OVOL1: variants seen among roughly 807,000 people sequenced by gnomAD.
The protein encoded by OVOL1 is putative transcription factor Ovo-like 1.
A neutral mutation model predicts 21.5 loss-of-function variants in OVOL1; 10 were observed. That is an observed-to-expected ratio of 0.46 (90% confidence interval 0.29 to 0.79). The LOEUF is 0.79. OVOL1 is among the 30% of genes least tolerant of loss of function. The pLI is 0.10. For missense variants in OVOL1, 279 were observed against 362.3 expected, an observed-to-expected ratio of 0.77 and a Z score of 1.87; for synonymous variants, 129 against 150.3, an observed-to-expected ratio of 0.86 and a Z score of 1.03.
At chr11:65,793,409 C>T (rs3897552) in intron 1 of OVOL1, among the ~76,000 whole-genome samples, 18,669 of 152,246 alleles carry the variant, frequency 0.12, 1,611 homozygotes, top group South Asian at 0.28. Context: ...CATCCACCTG[C>T]GGCTCCCTGA....
In OVOL1 at chr11:65,787,603, G is replaced by C. The variant is rs544118875; in HGVS notation, c.100+130G>C. 308 of 250,404 alleles carry C rather than the reference G, an allele frequency of 1.2e-3. 1 individual carries two copies. The highest frequency in any genetic ancestry group is 6.7e-3 in the African/African-American group (289 of 43,254). The allele number at this position is 250,404 out of a possible 1,614,324, so 15.5% of individuals were successfully genotyped here. On this transcript the variant is annotated intron_variant, in intron 1 of 3. Coordinates refer to ENST00000335987, the MANE Select transcript of OVOL1 (RefSeq NM_004561.4). ...GGGCGCCGGGGCTGAATGCGGCCGC[G>C]GCCTGGGCTGGGTGGGCCCGCGGCT...
Position 65,793,979 on chromosome 11 carries a change from G to A in OVOL1, c.101-52G>A, listed in dbSNP as rs1050954819. On this transcript the variant is annotated intron_variant, in intron 1 of 3. Transcript: ENST00000335987. ...TGGCTAGGGAAGTTTCCAGAAACCCGCTGGACCCTCTCTTCTCCACCAAGC... is the reference window on the plus strand; with the variant it reads ...TGGCTAGGGAAGTTTCCAGAAACCCACTGGACCCTCTCTTCTCCACCAAGC... The A allele has an allele frequency of 2.3e-5, 35 of 1,489,970 alleles. No individual in the cohort carries two copies. The Admixed American group carries it at 3.4e-4, about 15-fold the overall frequency. The allele number at this position is 1,489,970 out of a possible 1,614,324, so 92.3% of individuals were successfully genotyped here.
At position 65,795,326 on chromosome 11, in the gene OVOL1, C is replaced by T. The variant is rs754524135; in HGVS notation, c.789C>T (p.Gly263=). The T allele has an allele frequency of 1.1e-5, 18 of 1,602,536 alleles. No individual in the cohort carries two copies. In the East Asian group the frequency reaches 3.6e-4, roughly 32 times the overall value. Reference sequence around the variant, plus strand: ...ACACTGTCACTTCCCTGCTGCAGGGCAGCCCCCACCTGTGAGTGGCTCGAG... The same window carrying T: ...ACACTGTCACTTCCCTGCTGCAGGGTAGCCCCCACCTGTGAGTGGCTCGAG... ...LQNTVTSLLQ[G]SPHL Residue 263 remains glycine, a synonymous_variant, in exon 4 of 4, where the codon GGC becomes GGT. Coordinates refer to ENST00000335987, the MANE Select transcript of OVOL1 (RefSeq NM_004561.4). This position sits in a 1 kb window ranked among gnomAD's most constrained non-coding sequence, Gnocchi z 5.7.
At chr11:65,793,445 C>A (rs1858064250) in intron 1 of OVOL1, among the ~76,000 whole-genome samples, 1 of 152,220 alleles carries the variant, frequency 6.6e-6, no homozygotes, top group South Asian at 2.1e-4. Context: ...ACCCACCTGG[C>A]CTGTTTCCCT....
intron 1 of OVOL1, among the ~76,000 whole-genome samples, chr11:65,791,046 G>A (rs1045044982): frequency 6.6e-6 from 1 of 152,168 alleles, no homozygotes; most frequent in Admixed American, 6.5e-5. Flanking sequence ...TGTTCTGGGC[G>A]GGCACCCTGG....
intron 1 of OVOL1, chr11:65,788,343 A>G (rs1334613308): frequency 5.6e-6 from 2 of 354,558 alleles, no homozygotes; most frequent in African/African-American, 2.2e-5. Flanking sequence ...GAACACTCCT[A>G]CCCCTTCTGT....
intron 1 of OVOL1, among the ~76,000 whole-genome samples, chr11:65,791,644 C>T (rs1163265249): frequency 1.3e-5 from 2 of 152,220 alleles, no homozygotes; most frequent in African/African-American, 4.8e-5. Context: ...CCCTCGGTGT[C>T]CGTGCCTCTG....
Position 65,794,101 on chromosome 11 carries a change from C to G in OVOL1, c.171C>G (p.Cys57Trp), listed in dbSNP as rs546254917. Residue 57 changes from cysteine (C) to tryptophan (W), a missense_variant, in exon 2 of 4, where the codon TGC becomes TGG. Transcript: ENST00000335987. The part of the protein sequence containing the change: ...PEPSVAEPPS[C>W]PLALNMSLRD... Reference sequence around the variant, plus strand: ...CCTCTGTGGCCGAACCCCCTTCCTGCCCGCTGGCTTTGAACATGAGCCTTC... The same window carrying G: ...CCTCTGTGGCCGAACCCCCTTCCTGGCCGCTGGCTTTGAACATGAGCCTTC... The G allele has an allele frequency of 2.5e-4, 410 of 1,614,030 alleles. 4 individuals are homozygous for G. The South Asian group carries it at 3.7e-3, about 14-fold the overall frequency.
At chr11:65,792,736 T>C (rs1858046821) in intron 1 of OVOL1, among the ~76,000 whole-genome samples, 1 of 152,242 alleles carries the variant, frequency 6.6e-6, no homozygotes, top group Admixed American at 6.5e-5. Flanking sequence ...CATTCTTCTC[T>C]CTCAGACCTT....
Position 65,795,108 on chromosome 11 carries a change from T to C in OVOL1, c.571T>C (p.Ser191Pro). 6.2e-7 allele frequency: 1 copy of C among 1,613,320 alleles called. No individual in the cohort carries two copies. The highest frequency in any genetic ancestry group is 8.5e-7 in the Non-Finnish European group (1 of 1,179,898). Residue 191 changes from serine to proline, a missense_variant, in exon 4 of 4, where the codon TCT (serine) becomes CCT (proline). By Grantham distance (74) the Ser-to-Pro change is moderately conservative. Coordinates refer to ENST00000335987, the MANE Select transcript of OVOL1 (RefSeq NM_004561.4). The surrounding 1 kb of genome is among the most constrained non-coding windows in gnomAD (Gnocchi z 5.7). The part of the protein sequence containing the change: ...KAFTQRCSLE[S>P]HLKKIHGVQQ... ...CTTCACGCAGCGCTGCTCTCTGGAG[T>C]CTCACCTCAAGAAGATCCATGGTGT...
chr11:65,794,538 G>A lies in OVOL1; in HGVS notation c.319G>A (p.Val107Met), dbSNP rs761291602. The part of the protein sequence containing the change: ...DHGFLRTKMK[V>M]TLGDSPSGDL... ...TCAGCAATGCCGTCCTCACCCACAG[G>A]TGACCCTTGGGGACAGTCCCAGTGG... Residue 107 changes from valine (V) to methionine (M), a missense_variant and splice_region_variant, in exon 3 of 4, where the codon GTG becomes ATG. Coordinates refer to ENST00000335987, the MANE Select transcript of OVOL1 (RefSeq NM_004561.4). 4.3e-6 allele frequency: 7 copies of A among 1,612,260 alleles called. No individual in the cohort carries two copies. The highest frequency in any genetic ancestry group is 1.1e-5 in the South Asian group (1 of 91,072).
In OVOL1 at chr11:65,787,199, G is replaced by A. The variant is rs1251709440; in HGVS notation, c.-175G>A. On this transcript the variant is annotated 5_prime_UTR_variant, in exon 1 of 4. Transcript: ENST00000335987. ...AGGGAAGACGGCGACATTCCGCGGA[G>A]GTGGAACCGCCGCGCGCCGTCCGGG... 1 of 499,354 alleles carries A rather than the reference G, an allele frequency of 2.0e-6. No homozygotes were observed. The highest frequency in any genetic ancestry group is 2.1e-5 in the South Asian group (1 of 47,936). The allele number at this position is 499,354 out of a possible 1,614,324, so 30.9% of individuals were successfully genotyped here.
rs1466311736 is a variant in OVOL1, at chr11:65,795,523, T to C, written c.*182T>C. 4.9e-6 allele frequency: 3 copies of C among 613,502 alleles called. No homozygotes were observed. The highest frequency in any genetic ancestry group is 5.7e-6 in the Non-Finnish European group (2 of 348,656). The allele number at this position is 613,502 out of a possible 1,614,324, so 38.0% of individuals were successfully genotyped here. On this transcript the variant is annotated 3_prime_UTR_variant, in exon 4 of 4. Transcript: ENST00000335987. This position sits in a 1 kb window ranked among gnomAD's most constrained non-coding sequence, Gnocchi z 5.7. ...CTCACTCAGGCCCAGCAATGACCTC[T>C]GCTCATTTTTGCATTTTTGACTTAT...
chr11:65,793,986 C>T, intron 1 of OVOL1, 45 bp from the exon 2 acceptor site: 1 of 1,519,696 alleles, frequency 6.6e-7, no homozygotes, highest in Non-Finnish European at 9.1e-7. Context: ...CCCGCTGGAC[C>T]CTCTCTTCTC....
rs1405394508 is a variant in OVOL1, at chr11:65,787,436, G to A, written c.63G>A (p.Glu21=). 2 of 1,590,672 alleles carry A rather than the reference G, an allele frequency of 1.3e-6. No individual in the cohort carries two copies. Among genetic ancestry groups the A allele is most frequent in the Admixed American group, 1.7e-5 (1 of 58,332 alleles). The change falls in exon 1 of 4, where the codon GAG becomes GAA. Residue 21 remains glutamate (E), a synonymous_variant. Transcript: ENST00000335987. The stretch of plus-strand genomic sequence containing the variant: ...CCACGTGCAAGAGGAACTGGAGCGA[G>A]CTCCCCGACGAGGAGCGCGGCGAGA... ...CVSTCKRNWS[E]LPDEERGEIY... is the part of the protein sequence containing the mutation.
chr11:65,787,310 A>G lies in OVOL1; in HGVS notation c.-64A>G. ...TCCCGGCGTTCAGCCCGGCCCCGCA[A>G]AGGTGGGACGGCTCCCGGCTTCAGT... On this transcript the variant is annotated 5_prime_UTR_variant, in exon 1 of 4. Transcript: ENST00000335987. 1 of 1,364,938 alleles carries G rather than the reference A, an allele frequency of 7.3e-7. No individual in the cohort carries two copies. The highest frequency in any genetic ancestry group is 1.0e-6 in the Non-Finnish European group (1 of 988,600). The allele number at this position is 1,364,938 out of a possible 1,614,324, so 84.6% of individuals were successfully genotyped here.
Position 65,796,484 on chromosome 11 carries a change from G to C in OVOL1, c.*1143G>C, listed in dbSNP as rs1463163345. On this transcript the variant is annotated 3_prime_UTR_variant, in exon 4 of 4. Transcript: ENST00000335987. ...CTTGCAGGGCCAGGCTGGAAGACCG[G>C]CCCTTTTCTTGGTTGAGTCAAAAGC... 1 of 152,342 alleles carries C rather than the reference G, an allele frequency of 6.6e-6. No homozygotes were observed. The highest frequency in any genetic ancestry group is 3.4e-3 in the Middle Eastern group (1 of 294). The allele number at this position is 152,342 out of a possible 1,614,324, so 9.4% of individuals were successfully genotyped here.
Position 65,795,653 on chromosome 11 carries a change from G to A in OVOL1, c.*312G>A. 4.4e-6 allele frequency: 2 copies of A among 458,530 alleles called. No homozygotes were observed. The highest frequency in any genetic ancestry group is 4.0e-6 in the Non-Finnish European group (1 of 250,386). The allele number at this position is 458,530 out of a possible 1,614,324, so 28.4% of individuals were successfully genotyped here. On this transcript the variant is annotated 3_prime_UTR_variant, in exon 4 of 4. Transcript: ENST00000335987. The surrounding 1 kb of genome is among the most constrained non-coding windows in gnomAD (Gnocchi z 5.7). ...GCAGCCGCCCACAGAGACAGGCACTGTGTGCCTGGCAGCAGGACTTCCTAC... is the reference window on the plus strand; with the variant it reads ...GCAGCCGCCCACAGAGACAGGCACTATGTGCCTGGCAGCAGGACTTCCTAC...
At position 65,796,686 on chromosome 11, in the gene OVOL1, GGCTCCCTT is replaced by G. The variant is rs1233436942; in HGVS notation, c.*1357_*1364del. ...GGAGACCCGTCCTGGCTGGCTGGCT[GGCTCCCTT>G]GCTCCCTTGCTGCAGCTGGGAAAGG... On this transcript the variant is annotated 3_prime_UTR_variant, in exon 4 of 4. Transcript: ENST00000335987. 2 of 150,554 alleles carry G rather than the reference GGCTCCCTT, an allele frequency of 1.3e-5. No individual in the cohort carries two copies. The highest frequency in any genetic ancestry group is 3.0e-5 in the Non-Finnish European group (2 of 67,628). 9.3% of individuals were successfully genotyped at this position (150,554 alleles called of 1,614,324 possible).
Sources: allele counts gnomAD v4.1 joint callset (sites outside exome capture counted in the v4.1 genomes callset), GRCh38; gene constraint gnomAD v4.1.1; non-coding constraint Gnocchi (gnomAD v3.1); transcripts MANE v1.5; gene names NCBI Gene and HGNC (gene_info 2026-07-23, HGNC 2026-07-21).